The following IFT140 variants were observed in gnomAD, a reference collection of about 807,000 sequenced individuals.
IFT140 encodes intraflagellar transport 140.
Under a neutral mutation model 164.6 loss-of-function variants are expected in IFT140, and 133 were observed. That is an observed-to-expected ratio of 0.81 (90% CI 0.70 to 0.93). The LOEUF is 0.93. Ranked by LOEUF, IFT140 falls within the 40% of genes least tolerant of loss-of-function variation. IFT140 has a pLI of 0.00. For synonymous variants in IFT140, 860 were observed against 817.3 expected (o/e 1.05, Z -0.89); for missense variants, 2,045 against 1,972.3 (o/e 1.04, Z -0.70).
chr16:1,587,881 C>A, intron 8 of IFT140, 52 bp downstream of exon 8: 2 of 1,400,420 alleles, frequency 1.4e-6, no homozygotes, highest in East Asian at 2.3e-5. Context: ...CTTAGAGGAG[C>A]CTGTTCCTCA....
At chr16:1,546,186 A>G (rs979310518) in intron 19 of IFT140, among the ~76,000 whole-genome samples, 1 of 152,342 alleles carries the variant, frequency 6.6e-6, no homozygotes, top group African/African-American at 2.4e-5. Context: ...GTAAAAGGTC[A>G]TTACAGCCTC....
chr16:1,542,590 T>TGCCTGGGGTCA (rs1001852989), intron 19 of IFT140, among the ~76,000 whole-genome samples: 2 of 152,198 alleles, frequency 1.3e-5, no homozygotes, highest in Admixed American at 6.5e-5. Flanking sequence ...TCCTAGGACC[T>TGCCTGGGGTCA]GCCTGGGGTC....
intron 15 of IFT140, among the ~76,000 whole-genome samples, chr16:1,566,638 T>C (rs2033733979): frequency 6.6e-6 from 1 of 152,114 alleles, no homozygotes; most frequent in African/African-American, 2.4e-5. Flanking sequence ...GAAACTCCTT[T>C]ATTACAGCTG....
intron 27 of IFT140, 92 bp from the exon 28 acceptor site, chr16:1,520,435 G>A (rs2040487694): frequency 7.1e-7 from 1 of 1,417,094 alleles, no homozygotes; most frequent in East Asian, 2.3e-5. Flanking sequence ...AAGAAGAGTG[G>A]CTCAGGGCTG....
intron 17 of IFT140, among the ~76,000 whole-genome samples, chr16:1,562,467 T>G (rs1484742776): frequency 6.6e-6 from 1 of 152,182 alleles, no homozygotes. Context: ...GCGGCTTTAC[T>G]CTGATTTAAA....
At chr16:1,572,571 G>A (rs1234175916) in intron 13 of IFT140, among the ~76,000 whole-genome samples, 1 of 152,144 alleles carries the variant, frequency 6.6e-6, no homozygotes, top group Non-Finnish European at 1.5e-5. Flanking sequence ...GTGTGGACCC[G>A]GGAGGTGGAG....
Position 1,510,858 on chromosome 16 carries a change from A to T in IFT140, c.*86T>A. On this transcript the variant is annotated 3_prime_UTR_variant, in exon 31 of 31. Transcript: ENST00000426508. ...CAACACAGACATGTTTTTTCCCAGC[A>T]AAAATGCTGGCTTTGCCACAGCTGA... 1 of 1,254,128 alleles carries T rather than the reference A, an allele frequency of 8.0e-7. No homozygotes were observed. Among genetic ancestry groups the T allele is most frequent in the Non-Finnish European group, 1.1e-6 (1 of 880,758 alleles). 77.7% of individuals were successfully genotyped at this position (1,254,128 alleles called of 1,614,324 possible).
chr16:1,586,555 G>A (rs543749416), intron 9 of IFT140, among the ~76,000 whole-genome samples: 3 of 152,338 alleles, frequency 2.0e-5, no homozygotes, highest in East Asian at 3.9e-4. Context: ...AGGCACTAGA[G>A]ACGCGGCTCT....
intron 30 of IFT140, among the ~76,000 whole-genome samples, chr16:1,517,674 C>T (rs1156412131): frequency 6.6e-6 from 1 of 152,168 alleles, no homozygotes; most frequent in Non-Finnish European, 1.5e-5. Flanking sequence ...AAAAATGGAA[C>T]ACCATTTTCT....
intron 17 of IFT140, among the ~76,000 whole-genome samples, chr16:1,562,473 T>A (rs1195880117): frequency 1.3e-5 from 2 of 152,154 alleles, no homozygotes; most frequent in Admixed American, 6.5e-5. Flanking sequence ...TTACTCTGAT[T>A]TAAAAATCAA....
chr16:1,553,701 C>A lies in IFT140; in HGVS notation c.2399+4234G>T, dbSNP rs1596354045. The A allele has an allele frequency of 9.3e-7, 1 of 1,079,762 alleles. No homozygotes were observed. The highest frequency in any genetic ancestry group is 7.1e-5 in the East Asian group (1 of 14,184). 66.9% of individuals were successfully genotyped at this position (1,079,762 alleles called of 1,614,324 possible). On this transcript the variant is annotated intron_variant, in intron 19 of 30. Coordinates refer to ENST00000426508, the MANE Select transcript of IFT140 (RefSeq NM_014714.4). The surrounding 1 kb of genome is among the most constrained non-coding windows in gnomAD (Gnocchi z 4.4). The stretch of plus-strand genomic sequence containing the variant: ...GGGGCTGAAGGCTGGCTGGAGGCCC[C>A]ATGGCCTCCAGGACAATCTGTGGCC...
At chr16:1,574,890 T>C (rs1421601257) in intron 13 of IFT140, among the ~76,000 whole-genome samples, 2 of 152,188 alleles carry the variant, frequency 1.3e-5, no homozygotes, top group Non-Finnish European at 2.9e-5. Context: ...TAAGTGTCTG[T>C]AGTCACTGCG....
In IFT140 at chr16:1,519,866, G is replaced by A; in HGVS notation, c.4040+15C>T. On this transcript the variant is annotated intron_variant, in intron 29 of 30. Transcript: ENST00000426508. ...CATCTGCCCTGGCCTGTCCCCGCTG[G>A]CCCCGGGGGCACACCTGCGGGCCTG... 6.6e-7 allele frequency: 1 copy of A among 1,521,310 alleles called. No homozygotes were observed. Among genetic ancestry groups the A allele is most frequent in the Non-Finnish European group, 8.8e-7 (1 of 1,137,114 alleles). The allele number at this position is 1,521,310 out of a possible 1,614,324, so 94.2% of individuals were successfully genotyped here.
intron 19 of IFT140, among the ~76,000 whole-genome samples, chr16:1,542,580 T>C (rs564241562): frequency 6.6e-6 from 1 of 152,338 alleles, no homozygotes; most frequent in South Asian, 2.1e-4. Flanking sequence ...AAACGCAGCT[T>C]CCTAGGACCT....
intron 19 of IFT140, among the ~76,000 whole-genome samples, chr16:1,538,967 C>A (rs1268241046): frequency 1.3e-5 from 2 of 152,156 alleles, no homozygotes; most frequent in East Asian, 3.8e-4. Flanking sequence ...GGCAAAAGCG[C>A]CCCCTACCTC....
chr16:1,521,969 T>G (rs2040540914), intron 26 of IFT140, among the ~76,000 whole-genome samples: 1 of 148,290 alleles, frequency 6.7e-6, no homozygotes, highest in African/African-American at 2.5e-5. Context: ...ACACCTGTAA[T>G]CCCAGCACTT....
intron 2 of IFT140, among the ~76,000 whole-genome samples, chr16:1,608,517 C>CA (rs2142116995): frequency 1.3e-5 from 2 of 151,494 alleles, no homozygotes; most frequent in Non-Finnish European, 2.9e-5. Context: ...CCTGTAATTC[C>CA]AGCTACTCCG....
intron 19 of IFT140, among the ~76,000 whole-genome samples, chr16:1,552,280 C>T (rs1029427031): frequency 2.0e-5 from 3 of 152,090 alleles, no homozygotes; most frequent in Non-Finnish European, 4.4e-5. Context: ...GGGCTTGCAT[C>T]GCCCCCCTGC....
At chr16:1,591,546 G>T (rs1329156440) in intron 6 of IFT140, among the ~76,000 whole-genome samples, 3 of 152,136 alleles carry the variant, frequency 2.0e-5, no homozygotes, top group Non-Finnish European at 4.4e-5. Flanking sequence ...CATCTCCTCA[G>T]CCACGCCAGC....
Sources: allele counts gnomAD v4.1 joint callset (sites outside exome capture counted in the v4.1 genomes callset), GRCh38; gene constraint gnomAD v4.1.1; non-coding constraint Gnocchi (gnomAD v3.1); transcripts MANE v1.5; gene names NCBI Gene and HGNC (gene_info 2026-07-23, HGNC 2026-07-21).